Variants in DPP6 observed in about 807,000 individuals in gnomAD.
The protein encoded by DPP6 is A-type potassium channel modulatory protein DPP6.
In DPP6, 69 loss-of-function variants were observed where a neutral mutation model predicts 122.6. The ratio of observed to expected loss-of-function variants is 0.56; its 90% confidence interval spans 0.46 to 0.69. The LOEUF (loss-of-function observed/expected upper bound fraction) is 0.69, where lower values mean the gene tolerates loss of function less well. DPP6 is among the 30% of genes least tolerant of loss of function. The probability of loss-of-function intolerance (pLI) is 0.00; values close to 1 mark genes in which losing one functional copy is unlikely to be tolerated. For missense variants in DPP6, 928 were observed against 1,116.9 expected, an observed-to-expected ratio of 0.83 and a Z score of 2.41; for synonymous variants, 418 against 433.1, an observed-to-expected ratio of 0.97 and a Z score of 0.43.
chr7:154,745,982 A>G (rs1843019504), intron 8 of DPP6, among the ~76,000 whole-genome samples: 2 of 152,210 alleles, frequency 1.3e-5, no homozygotes, highest in Non-Finnish European at 2.9e-5. Flanking sequence ...AGGCCATAGC[A>G]GGGCATATAG....
the DPP6 span, among the ~76,000 whole-genome samples, chr7:153,804,978 T>C: frequency 6.6e-6 from 1 of 152,150 alleles, no homozygotes; most frequent in East Asian, 1.9e-4. Flanking sequence ...TGATCTTGAC[T>C]CTATTGGTGT....
At chr7:154,859,823 C>G (rs773935068) in intron 17 of DPP6, among the ~76,000 whole-genome samples, 2 of 152,192 alleles carry the variant, frequency 1.3e-5, no homozygotes, top group Admixed American at 1.3e-4. Flanking sequence ...GGCAGGCCCA[C>G]TTAGAGACGT....
At chr7:154,374,956 A>G (rs917323097) in intron 1 of DPP6, among the ~76,000 whole-genome samples, 5 of 152,132 alleles carry the variant, frequency 3.3e-5, no homozygotes, top group African/African-American at 1.2e-4. Context: ...ATCTCTAAGT[A>G]CTCATTATGT....
intron 1 of DPP6, among the ~76,000 whole-genome samples, chr7:154,140,023 T>C (rs1339820135): frequency 6.6e-6 from 1 of 152,168 alleles, no homozygotes; most frequent in Non-Finnish European, 1.5e-5. Flanking sequence ...CGTGGGAAGA[T>C]ATCCATCAGA....
At chr7:154,887,933 T>C (rs966237340) in intron 23 of DPP6, among the ~76,000 whole-genome samples, 199 bp downstream of exon 23, 2 of 152,128 alleles carry the variant, frequency 1.3e-5, no homozygotes, top group African/African-American at 4.8e-5. Context: ...CTCTCTGGGT[T>C]CCGCCTGATT....
At chr7:153,999,670 G>T (rs1797597631) in intron 1 of DPP6, among the ~76,000 whole-genome samples, 1 of 152,194 alleles carries the variant, frequency 6.6e-6, no homozygotes, top group South Asian at 2.1e-4. Context: ...TACATTAAAA[G>T]AAACTTGGCA....
chr7:154,137,658 T>A (rs950666644), intron 1 of DPP6, among the ~76,000 whole-genome samples: 2 of 48,384 alleles, frequency 4.1e-5, no homozygotes, highest in Non-Finnish European at 4.2e-5. Context: ...GGTGGGGGGG[T>A]GGGGGGGGTG....
chr7:153,944,777 C>CTCAATCCTGTAAT (rs1801870212), intron 1 of DPP6, among the ~76,000 whole-genome samples: 2 of 148,014 alleles, frequency 1.4e-5, no homozygotes, highest in Non-Finnish European at 3.0e-5. Flanking sequence ...ATTACAGGCA[C>CTCAATCCTGTAAT]ACACCACCAC....
At chr7:154,850,196 C>G (rs1802260718) in intron 16 of DPP6, among the ~76,000 whole-genome samples, 1 of 152,210 alleles carries the variant, frequency 6.6e-6, no homozygotes, top group African/African-American at 2.4e-5. Context: ...CCCCTCCTCC[C>G]CTTTCCTCCA....
the DPP6 span, among the ~76,000 whole-genome samples, chr7:153,824,208 G>GTGAA: frequency 6.6e-6 from 1 of 151,456 alleles, no homozygotes; most frequent in African/African-American, 2.4e-5. Flanking sequence ...GGCCAACATG[G>GTGAA]TGAAACCCTG....
chr7:153,832,549 T>A, the DPP6 span, among the ~76,000 whole-genome samples: 1 of 152,232 alleles, frequency 6.6e-6, no homozygotes, highest in Non-Finnish European at 1.5e-5. Flanking sequence ...TAGTGGTGTG[T>A]TCTTCCCCAG....
At position 154,597,038 on chromosome 7, in the gene DPP6, T is replaced by A. The variant is rs1184603227; in HGVS notation, c.627+30122T>A. The stretch of plus-strand genomic sequence containing the variant: ...AGTCCAGAAGAAGAAGTCAAGGACT[T>A]CTTAGTATTTTGAGGCAGAGGGAAG... On this transcript the variant is annotated intron_variant, in intron 5 of 25. Coordinates refer to ENST00000377770, the MANE Select transcript of DPP6 (RefSeq NM_130797.4). Among the ~76,000 whole-genome samples, 3 of 152,100 alleles carry A rather than the reference T, an allele frequency of 2.0e-5. No individual in the cohort carries two copies. In the East Asian group the frequency reaches 5.8e-4, roughly 29 times the overall value.
intron 1 of DPP6, among the ~76,000 whole-genome samples, chr7:154,021,260 G>A (rs1044575462): frequency 6.6e-6 from 1 of 152,108 alleles, no homozygotes; most frequent in African/African-American, 2.4e-5. Context: ...GAGACTGATT[G>A]GGCTGTCACC....
intron 1 of DPP6, among the ~76,000 whole-genome samples, chr7:153,934,649 C>T (rs896509651): frequency 2.0e-5 from 3 of 152,148 alleles, no homozygotes; most frequent in African/African-American, 7.2e-5. Context: ...TGTACACACT[C>T]ACGTACATAC....
At chr7:154,274,171 A>G (rs1803979316) in intron 1 of DPP6, among the ~76,000 whole-genome samples, 1 of 152,146 alleles carries the variant, frequency 6.6e-6, no homozygotes, top group Non-Finnish European at 1.5e-5. Flanking sequence ...ATTCATCTCC[A>G]GTGACCTTTG....
chr7:154,287,293 AC>A (rs1804919201), intron 1 of DPP6, among the ~76,000 whole-genome samples: 1 of 152,220 alleles, frequency 6.6e-6, no homozygotes, highest in Non-Finnish European at 1.5e-5. Flanking sequence ...GGGAAGGAGA[AC>A]AAAAAAGCAA....
At chr7:154,749,369 G>C (rs1843221756) in intron 8 of DPP6, among the ~76,000 whole-genome samples, 1 of 98,566 alleles carries the variant, frequency 1.0e-5, no homozygotes, top group African/African-American at 4.3e-5. Flanking sequence ...GAGAGGGTGA[G>C]AGCATAGGAC....
In DPP6 at chr7:154,245,929, G is replaced by A. The variant is rs188552198; in HGVS notation, c.243+192866G>A. On this transcript the variant is annotated intron_variant, in intron 1 of 25. Transcript: ENST00000377770. Reference sequence around the variant, plus strand: ...ATATAGAATAAAGAACATAGTCATTGTGACTTAATTGACATTTACAGATTA... The same window carrying A: ...ATATAGAATAAAGAACATAGTCATTATGACTTAATTGACATTTACAGATTA... Among the ~76,000 whole-genome samples the A allele has an allele frequency of 3.3e-5, 5 of 152,238 alleles. No homozygotes were observed. In the East Asian group the frequency reaches 7.7e-4, roughly 24 times the overall value.
rs145439124 is a variant in DPP6, at chr7:153,905,855, G to A, written c.51+18121G>A. On this transcript the variant is annotated intron_variant, in intron 1 of 25. Coordinates refer to the DPP6 transcript ENST00000404039. Reference sequence around the variant, plus strand: ...CGAGCAGCATCTGCTTTGAAAAGTGGAGACTGAATTGCGGTTTGATCCTGG... The same window carrying A: ...CGAGCAGCATCTGCTTTGAAAAGTGAAGACTGAATTGCGGTTTGATCCTGG... Among the ~76,000 whole-genome samples the A allele has an allele frequency of 1.7e-3, 252 of 152,304 alleles. 1 individual carries two copies. The highest frequency in any genetic ancestry group is 5.7e-3 in the African/African-American group (238 of 41,558).
Sources: allele counts gnomAD v4.1 joint callset (sites outside exome capture counted in the v4.1 genomes callset), GRCh38; gene constraint gnomAD v4.1.1; transcripts MANE v1.5; gene names NCBI Gene and HGNC (gene_info 2026-07-23, HGNC 2026-07-21).